PRMT9: variants seen among roughly 807,000 people sequenced by gnomAD.
PRMT9 encodes protein arginine methyltransferase 9, also known as protein arginine N-methyltransferase 9.
A neutral mutation model predicts 83.2 loss-of-function variants in PRMT9; 59 were observed. The observed-to-expected ratio is 0.71, with a 90% confidence interval of 0.57 to 0.88. The LOEUF (loss-of-function observed/expected upper bound fraction) is 0.88, where lower values mean the gene tolerates loss of function less well. PRMT9 is among the 40% of genes least tolerant of loss of function. The probability of loss-of-function intolerance (pLI) is 0.00; values close to 1 mark genes in which losing one functional copy is unlikely to be tolerated. For missense variants in PRMT9, 947 were observed against 1,021.9 expected (o/e 0.93, Z 1.00); for synonymous variants, 333 against 353.2 (o/e 0.94, Z 0.64).
At chr4:147,676,342 T>G (rs983992197) in intron 2 of PRMT9, among the ~76,000 whole-genome samples, 5 of 152,186 alleles carry the variant, frequency 3.3e-5, no homozygotes, top group African/African-American at 1.2e-4. Flanking sequence ...TCCTATAGAG[T>G]AACTCTCATT....
rs1733117708 is a variant in PRMT9 at position 147,637,836 on chromosome 4, A to C, written c.*696T>G. On this transcript the variant is annotated 3_prime_UTR_variant, in exon 12 of 12. Transcript: ENST00000322396. ...TATTTCAAAAGTTTGTAAAAATTGG[A>C]TCAATTAATGTACTTATTGTACATC... 6.7e-6 allele frequency: 1 copy of C among 148,826 alleles called. No homozygotes were observed. The highest frequency in any genetic ancestry group is 1.5e-5 in the Non-Finnish European group (1 of 66,588). The allele number at this position is 148,826 out of a possible 1,614,324, so 9.2% of individuals were successfully genotyped here.
chr4:147,648,645 C>A (rs1009175103), intron 9 of PRMT9, among the ~76,000 whole-genome samples: 1 of 152,186 alleles, frequency 6.6e-6, no homozygotes, highest in African/African-American at 2.4e-5. Context: ...GTAAGAAGTA[C>A]AAGTGACATA....
chr4:147,641,218 C>A (rs1481854681), intron 10 of PRMT9, among the ~76,000 whole-genome samples: 1 of 152,160 alleles, frequency 6.6e-6, no homozygotes, highest in Non-Finnish European at 1.5e-5. Context: ...CTGTTCAATA[C>A]CCTCCAGTTG....
chr4:147,668,510 GCAGTGTGAAAATGGACTAATA>G lies in PRMT9; in HGVS notation c.953+8_953+28del. On this transcript the variant is annotated splice_region_variant and intron_variant, in intron 6 of 11. Coordinates refer to ENST00000322396, the MANE Select transcript of PRMT9 (RefSeq NM_138364.4). Reference sequence around the variant, plus strand: ...ACCCAATCTTGGGAGGTGCTTTATAGCAGTGTGAAAATGGACTAATACACTTACCTATGATGTCTTCTTATC... The same window carrying G: ...ACCCAATCTTGGGAGGTGCTTTATAGCACTTACCTATGATGTCTTCTTATC... The G allele has an allele frequency of 1.6e-6, 2 of 1,255,694 alleles. No homozygotes were observed. Among genetic ancestry groups the G allele is most frequent in the Non-Finnish European group, 2.3e-6 (2 of 858,890 alleles). The allele number at this position is 1,255,694 out of a possible 1,614,324, so 77.8% of individuals were successfully genotyped here.
At chr4:147,677,388 A>G (rs1043435938) in intron 2 of PRMT9, among the ~76,000 whole-genome samples, 8 of 150,156 alleles carry the variant, frequency 5.3e-5, no homozygotes, top group African/African-American at 1.5e-4. Flanking sequence ...TACTTTGTTT[A>G]TATTTTCAAT....
intron 6 of PRMT9, chr4:147,661,261 TA>T (rs35220006): frequency 0.59 from 170,926 of 289,456 alleles, 39,946 homozygotes; most frequent in Admixed American, 0.72. Flanking sequence ...GTCTGCTCAC[TA>T]AAAAAAAAAA....
At chr4:147,661,090 C>T in intron 6 of PRMT9, 52 bp from the exon 7 acceptor site, 1 of 1,146,710 alleles carries the variant, frequency 8.7e-7, no homozygotes, top group Non-Finnish European at 1.3e-6. Flanking sequence ...TTTTTAGAAT[C>T]AAGTAACATA....
At position 147,639,025 on chromosome 4, in the gene PRMT9, GCTTGCTTAAAGGT is replaced by G; in HGVS notation, c.2244_2256del (p.Pro749GlnfsTer5). On this transcript the variant is annotated frameshift_variant, in exon 11 of 12. Coordinates refer to ENST00000322396, the MANE Select transcript of PRMT9 (RefSeq NM_138364.4). LOFTEE classifies it high-confidence loss of function. Reference sequence around the variant, plus strand: ...AAATCTAGTCTTAAGAGTTCCACTGGCTTGCTTAAAGGTATACAGGGCAATGAGGATAGGTCCA... The same window carrying G: ...AAATCTAGTCTTAAGAGTTCCACTGGATACAGGGCAATGAGGATAGGTCCA... The G allele has an allele frequency of 6.2e-7, 1 of 1,611,824 alleles. No individual in the cohort carries two copies. The highest frequency in any genetic ancestry group is 8.5e-7 in the Non-Finnish European group (1 of 1,178,094).
chr4:147,667,493 C>G (rs1455185156), intron 6 of PRMT9, among the ~76,000 whole-genome samples: 1 of 152,184 alleles, frequency 6.6e-6, no homozygotes, highest in Non-Finnish European at 1.5e-5. Context: ...TCTAATTCAG[C>G]CAATCTGCTA....
intron 9 of PRMT9, among the ~76,000 whole-genome samples, chr4:147,643,416 A>G (rs1733540862): frequency 6.6e-6 from 1 of 152,224 alleles, no homozygotes. Flanking sequence ...GGTATTTCAG[A>G]ATAGTAAACC....
chr4:147,652,022 T>C (rs1297813500), intron 9 of PRMT9, among the ~76,000 whole-genome samples: 2 of 152,174 alleles, frequency 1.3e-5, no homozygotes, highest in Non-Finnish European at 2.9e-5. Context: ...AAAGTGATTA[T>C]ACTGAATTTT....
chr4:147,639,191 C>G, intron 10 of PRMT9, 109 bp from the exon 11 acceptor site: 1 of 1,066,470 alleles, frequency 9.4e-7, no homozygotes, highest in Non-Finnish European at 1.4e-6. Flanking sequence ...TTGTACTTGA[C>G]TCAATAGTAC....
Position 147,638,578 on chromosome 4 carries a change from C to G in PRMT9, c.2492G>C (p.Ser831Thr), listed in dbSNP as rs747323059. 6.2e-7 allele frequency: 1 copy of G among 1,613,850 alleles called. No individual in the cohort carries two copies. The highest frequency in any genetic ancestry group is 1.7e-5 in the Admixed American group (1 of 60,024). Reference sequence around the variant, plus strand: ...GACATTGCTTTTGTGATGCTGAATGCTGAGTACAAGTTCCTCTCCCATTTC... The same window carrying G: ...GACATTGCTTTTGTGATGCTGAATGGTGAGTACAAGTTCCTCTCCCATTTC... The part of the protein sequence containing the change: ...QVEMGEELVL[S>T]IQHHKSNVSI... The change falls in exon 12 of 12, where the codon AGC (serine) becomes ACC (threonine). Residue 831 changes from serine (S) to threonine (T), a missense_variant. Physicochemically the swap from Ser to Thr is moderately conservative, Grantham distance 58. Transcript: ENST00000322396.
chr4:147,654,011 G>A lies in PRMT9; in HGVS notation c.1886C>T (p.Pro629Leu), dbSNP rs780664768. The change falls in exon 9 of 12, where the codon CCT (proline) becomes CTT (leucine). Residue 629 changes from proline (P) to leucine (L), a missense_variant. Transcript: ENST00000322396. The part of the protein sequence containing the change: ...LDLISEANHF[P>L]KETLEFWLRH... The stretch of plus-strand genomic sequence containing the variant: ...CAGCCAAAACTCAAGTGTTTCTTTA[G>A]GAAAGTGATTGGCTTCAGATATGAG... The A allele has an allele frequency of 1.1e-5, 17 of 1,614,070 alleles. No homozygotes were observed. The highest frequency in any genetic ancestry group is 1.4e-5 in the Non-Finnish European group (16 of 1,180,048).
chr4:147,643,835 T>C (rs1733566062), intron 9 of PRMT9, among the ~76,000 whole-genome samples: 1 of 151,778 alleles, frequency 6.6e-6, no homozygotes, highest in African/African-American at 2.4e-5. Context: ...TCTCTACAAA[T>C]AAATAAACTA....
At position 147,653,855 on chromosome 4, in the gene PRMT9, G is replaced by C; in HGVS notation, c.2042C>G (p.Ser681Cys). The change falls in exon 9 of 12, where the codon TCC (serine) becomes TGC (cysteine). Residue 681 changes from serine to cysteine, a missense_variant. By Grantham distance (112) the Ser-to-Cys change is moderately radical (BLOSUM62 -1). Transcript: ENST00000322396. ...AAGTTATTATTTTGTGTTTTACCTG[G>C]ATATTGCAGCTTTTTCCATTATTTC... is the stretch of plus-strand genomic sequence containing the variant. ...QQEIMEKAAI[S>C]RCLLQSGGKI... 6.2e-7 allele frequency: 1 copy of C among 1,609,426 alleles called. No homozygotes were observed. Among genetic ancestry groups the C allele is most frequent in the Non-Finnish European group, 8.5e-7 (1 of 1,176,216 alleles).
chr4:147,675,050 G>A (rs956093754), intron 2 of PRMT9, among the ~76,000 whole-genome samples: 9 of 151,898 alleles, frequency 5.9e-5, no homozygotes, highest in Admixed American at 2.6e-4. Flanking sequence ...GCACGATCTC[G>A]GCTCACTGCA....
At chr4:147,655,311 T>A (rs1734409564) in intron 8 of PRMT9, among the ~76,000 whole-genome samples, 1 of 151,688 alleles carries the variant, frequency 6.6e-6, no homozygotes, top group Non-Finnish European at 1.5e-5. Flanking sequence ...TACGGATACA[T>A]GCCACCAGGC....
chr4:147,663,847 A>C (rs1560988993), intron 6 of PRMT9, among the ~76,000 whole-genome samples: 1 of 152,172 alleles, frequency 6.6e-6, no homozygotes, highest in Non-Finnish European at 1.5e-5. Context: ...TTTGTACATT[A>C]CTGAAACATT....
Sources: gnomAD v4.1 joint callset for allele counts (sites outside exome capture counted in the v4.1 genomes callset) on GRCh38, gnomAD v4.1.1 for gene constraint, MANE v1.5 for transcripts, NCBI Gene and HGNC (gene_info 2026-07-23, HGNC 2026-07-21) for gene names.